TENM3: variants seen among roughly 807,000 people sequenced by gnomAD.
TENM3 encodes teneurin-3.
TENM3 carries 63 observed loss-of-function variants against 255.1 expected under a neutral mutation model. That is an observed-to-expected ratio of 0.25 (90% CI 0.20 to 0.30). TENM3 has a LOEUF of 0.30. Ranked by LOEUF, TENM3 falls within the 10% of genes least tolerant of loss-of-function variation. TENM3 has a pLI of 1.00. For missense variants in TENM3, 2,929 were observed against 3,461.1 expected, an observed-to-expected ratio of 0.85 and a Z score of 3.86; for synonymous variants, 1,306 against 1,322.3, an observed-to-expected ratio of 0.99 and a Z score of 0.27.
rs1753535990 is a variant in TENM3, at chr4:182,653,863, A to C, written c.1081A>C (p.Asn361His). Residue 361 changes from asparagine to histidine, a missense_variant, in exon 6 of 28, where the codon AAC becomes CAC. Asn to His is a moderately conservative substitution (Grantham distance 68). Around this residue, in one of 6 missense-constraint regions of TENM3, gnomAD observed 1,608 missense variants for 1,884.4 expected, o/e 0.85. Transcript: ENST00000511685. The part of the protein sequence containing the change: ...GKVNSDTMPT[N>H]TVSLPSGDNG... ...AGTGAATTCTGATACCATGCCAACA[A>C]ACACTGTGTCATTACCTTCTGGAGA... 1.9e-6 allele frequency: 3 copies of C among 1,613,186 alleles called. No homozygotes were observed. The highest frequency in any genetic ancestry group is 2.5e-6 in the Non-Finnish European group (3 of 1,179,502).
At chr4:182,134,277 G>A in the TENM3 span, among the ~76,000 whole-genome samples, 6 of 152,164 alleles carry the variant, frequency 3.9e-5, no homozygotes, top group Non-Finnish European at 5.9e-5. Flanking sequence ...CAAGATTCTA[G>A]TACTCACTGA....
the TENM3 span, among the ~76,000 whole-genome samples, chr4:182,068,354 G>T: frequency 6.6e-6 from 1 of 150,654 alleles, no homozygotes; most frequent in African/African-American, 2.4e-5. Context: ...TGCAAATAAT[G>T]AGGATACAGA....
At chr4:182,439,933 C>T (rs553175935) in intron 3 of TENM3, among the ~76,000 whole-genome samples, 163 of 152,220 alleles carry the variant, frequency 1.1e-3, no homozygotes, top group African/African-American at 3.7e-3. Context: ...AACTTCCTCT[C>T]TCTGGCCCCT....
rs1165769660 is a variant in TENM3 at position 182,347,000 on chromosome 4, G to GA, written c.511+71_511+72insA. On this transcript the variant is annotated intron_variant, in intron 3 of 27. Transcript: ENST00000511685. ...GTCTGTTTTGGTTGACTCCGCGGGG[G>GA]GGGATGTTTTTCTTTCTCTCCTTCC... 4.3e-6 allele frequency: 5 copies of GA among 1,150,078 alleles called. No individual in the cohort carries two copies. The African/African-American group carries it at 7.7e-5, about 18-fold the overall frequency. The allele number at this position is 1,150,078 out of a possible 1,614,324, so 71.2% of individuals were successfully genotyped here.
chr4:182,430,119 A>G (rs1385224161), intron 3 of TENM3, among the ~76,000 whole-genome samples: 2 of 152,230 alleles, frequency 1.3e-5, no homozygotes, highest in Non-Finnish European at 2.9e-5. Flanking sequence ...GGAGGATAAC[A>G]TAAGGCAGCA....
At chr4:182,135,447 A>G in the TENM3 span, among the ~76,000 whole-genome samples, 42 of 152,304 alleles carry the variant, frequency 2.8e-4, no homozygotes, top group African/African-American at 9.6e-4. Context: ...GGCCTAATGT[A>G]CTTCTGACAT....
At chr4:181,979,557 G>A in the TENM3 span, among the ~76,000 whole-genome samples, 1 of 152,186 alleles carries the variant, frequency 6.6e-6, no homozygotes, top group African/African-American at 2.4e-5. Flanking sequence ...CAGGTCTCTT[G>A]TGCACGGGTG....
intron 1 of TENM3, among the ~76,000 whole-genome samples, chr4:182,166,098 A>G (rs1373684233): frequency 1.3e-5 from 2 of 152,150 alleles, no homozygotes; most frequent in Non-Finnish European, 2.9e-5. Context: ...GTTTTTTAAA[A>G]TGTGCGTTTA....
intron 7 of TENM3, among the ~76,000 whole-genome samples, chr4:182,675,562 A>G (rs1251078307): frequency 1.3e-5 from 2 of 152,004 alleles, no homozygotes; most frequent in African/African-American, 2.4e-5. Context: ...AAAAAAAAGC[A>G]GATTTTCTTA....
intron 1 of TENM3, among the ~76,000 whole-genome samples, chr4:182,191,249 C>T (rs1182846657): frequency 3.3e-5 from 5 of 152,184 alleles, no homozygotes; most frequent in African/African-American, 7.2e-5. Flanking sequence ...ATTCAAAGCT[C>T]TCTTTAATAT....
the TENM3 span, among the ~76,000 whole-genome samples, chr4:181,902,116 TAC>T: frequency 0.16 from 24,086 of 147,624 alleles, 2,045 homozygotes; most frequent in East Asian, 0.25. Flanking sequence ...CATGTGAGCA[TAC>T]ACACACACAC....
intron 1 of TENM3, among the ~76,000 whole-genome samples, chr4:182,197,424 T>C (rs562161434): frequency 3.3e-5 from 5 of 151,818 alleles, no homozygotes; most frequent in African/African-American, 1.2e-4. Context: ...AGTTCAGGGG[T>C]TTTTTTTCCT....
At chr4:181,488,325 C>T in the TENM3 span, among the ~76,000 whole-genome samples, 4 of 152,178 alleles carry the variant, frequency 2.6e-5, no homozygotes, top group African/African-American at 4.8e-5. Flanking sequence ...GGTGAGAAGT[C>T]GGGGTTTGGC....
chr4:182,411,088 A>G (rs1356441506), intron 3 of TENM3, among the ~76,000 whole-genome samples: 1 of 152,118 alleles, frequency 6.6e-6, no homozygotes, highest in Non-Finnish European at 1.5e-5. Flanking sequence ...ATCGGCTGTA[A>G]TGGTTGGATA....
the TENM3 span, among the ~76,000 whole-genome samples, chr4:181,655,418 C>T: frequency 6.6e-6 from 1 of 152,136 alleles, no homozygotes; most frequent in Non-Finnish European, 1.5e-5. Context: ...TTGACTCTGA[C>T]ACAACAAAGC....
At chr4:182,110,491 A>AT in the TENM3 span, among the ~76,000 whole-genome samples, 399 of 149,584 alleles carry the variant, frequency 2.7e-3, no homozygotes, top group Non-Finnish European at 3.9e-3. Context: ...CACCCAGCTA[A>AT]TTTTTTTTTT....
chr4:182,189,989 G>A (rs561250781), intron 1 of TENM3, among the ~76,000 whole-genome samples: 11 of 152,206 alleles, frequency 7.2e-5, no homozygotes, highest in Non-Finnish European at 1.5e-4. Flanking sequence ...ATTTTCTTAC[G>A]AACTGTTTTC....
intron 3 of TENM3, among the ~76,000 whole-genome samples, chr4:182,567,662 A>C (rs565147797): frequency 2.3e-4 from 35 of 151,956 alleles, no homozygotes; most frequent in African/African-American, 6.5e-4. Flanking sequence ...CATCTCTTCC[A>C]TTCAGTCTTT....
the TENM3 span, among the ~76,000 whole-genome samples, chr4:182,110,125 A>AAT: frequency 6.6e-6 from 1 of 151,570 alleles, no homozygotes; most frequent in Admixed American, 6.6e-5. Flanking sequence ...AAAAAAAAAA[A>AAT]AAAAATACAT....
Sources: gnomAD v4.1 joint callset for allele counts (sites outside exome capture counted in the v4.1 genomes callset) on GRCh38, gnomAD v4.1.1 for gene constraint, gnomAD v4.1.1 regional missense constraint, MANE v1.5 for transcripts, NCBI Gene and HGNC (gene_info 2026-07-23, HGNC 2026-07-21) for gene names.